RXFP1: variants seen among roughly 807,000 people sequenced by gnomAD.
RXFP1 encodes the protein relaxin family peptide receptor 1.
Under a neutral mutation model 89.8 loss-of-function variants are expected in RXFP1, and 73 were observed. The observed-to-expected ratio is 0.81, with a 90% CI of 0.67 to 0.99. The LOEUF is 0.99. Among genes scored for constraint, RXFP1 ranks in the 50% least tolerant of loss-of-function variants. The pLI, the probability that RXFP1 is intolerant of heterozygous loss-of-function variation, is 0.00. For missense variants in RXFP1, 793 were observed against 895.5 expected, an observed-to-expected ratio of 0.89 and a Z score of 1.46; for synonymous variants, 277 against 305.5, an observed-to-expected ratio of 0.91 and a Z score of 0.97.
At chr4:158,575,186 A>G (rs1394148787) in intron 2 of RXFP1, among the ~76,000 whole-genome samples, 1 of 152,220 alleles carries the variant, frequency 6.6e-6, no homozygotes, top group Non-Finnish European at 1.5e-5. Flanking sequence ...AAAAGTAGCA[A>G]TCCTTACAGT....
intron 1 of RXFP1, among the ~76,000 whole-genome samples, chr4:158,544,593 C>T (rs907893555): frequency 6.6e-6 from 1 of 151,898 alleles, no homozygotes; most frequent in African/African-American, 2.4e-5. Context: ...TGCTATCCCT[C>T]CCCCTACCCC....
In RXFP1 at chr4:158,647,006, G is replaced by A. The variant is rs1239441647; in HGVS notation, c.1561G>A (p.Val521Met). 1 of 1,613,960 alleles carries A rather than the reference G, an allele frequency of 6.2e-7. No homozygotes were observed. The highest frequency in any genetic ancestry group is 1.3e-5 in the African/African-American group (1 of 74,904). ...YICIVYPFRCVRPGKCRTITV... is the reference protein window; with the variant it reads ...YICIVYPFRCMRPGKCRTITV... ...CTGCATTGTCTATCCTTTTAGATGT[G>A]TGAGACCTGGAAAATGCAGAACAAT... Residue 521 changes from valine to methionine, a missense_variant, in exon 16 of 18, where the codon GTG becomes ATG. Transcript: ENST00000307765.
chr4:158,601,378 A>G (rs1420294685), intron 4 of RXFP1, among the ~76,000 whole-genome samples: 2 of 152,166 alleles, frequency 1.3e-5, no homozygotes, highest in African/African-American at 4.8e-5. Flanking sequence ...GGGGACTCTG[A>G]TGTTAGATGT....
intron 1 of RXFP1, among the ~76,000 whole-genome samples, chr4:158,532,069 T>G (rs369152207): frequency 1.4e-4 from 21 of 152,304 alleles, no homozygotes; most frequent in African/African-American, 3.9e-4. Flanking sequence ...AGGCAGTTTT[T>G]CAGAATTTTC....
intron 1 of RXFP1, among the ~76,000 whole-genome samples, chr4:158,565,277 T>G (rs1753322324): frequency 6.6e-6 from 1 of 152,180 alleles, no homozygotes. Context: ...CCTGTAGTGT[T>G]GGATAAGAAC....
At chr4:158,646,689 G>T in intron 15 of RXFP1, 102 bp from the exon 16 acceptor site, 1 of 1,474,216 alleles carries the variant, frequency 6.8e-7, no homozygotes, top group Non-Finnish European at 9.0e-7. Context: ...TAAGTTGGAA[G>T]AAACTTGACT....
At chr4:158,542,843 C>A (rs13136137) in intron 1 of RXFP1, among the ~76,000 whole-genome samples, 104,464 of 152,034 alleles carry the variant, frequency 0.69, 41,852 homozygotes, top group East Asian at 0.98. Context: ...ATAGGTGCAA[C>A]AAACAGAAGG....
At chr4:158,602,977 C>G (rs1409520980) in intron 4 of RXFP1, among the ~76,000 whole-genome samples, 1 of 152,220 alleles carries the variant, frequency 6.6e-6, no homozygotes, top group African/African-American at 2.4e-5. Context: ...GCCCCCCAGG[C>G]TGGAGTGCAG....
chr4:158,598,474 G>T lies in RXFP1; in HGVS notation c.287-852G>T, dbSNP rs141828556. On this transcript the variant is annotated intron_variant, in intron 3 of 17. Coordinates refer to ENST00000307765, the MANE Select transcript of RXFP1 (RefSeq NM_021634.4). ...CCAGAAGTCAATATGGGGAGAAAAC[G>T]TTTCTCATTGCTCTCAGGAATTCGC... Among the ~76,000 whole-genome samples the T allele has an allele frequency of 3.0e-3, 459 of 152,160 alleles. 8 individuals are homozygous for T. The highest frequency in any genetic ancestry group is 0.027 in the Admixed American group (418 of 15,278).
At chr4:158,617,430 T>A (rs71607200) in intron 9 of RXFP1, among the ~76,000 whole-genome samples, 57,609 of 143,834 alleles carry the variant, frequency 0.4, 11,976 homozygotes, top group African/African-American at 0.52. Flanking sequence ...AAAAAAAATA[T>A]ATATATATAT....
chr4:158,563,053 C>T (rs968926004), intron 1 of RXFP1, among the ~76,000 whole-genome samples: 5 of 152,134 alleles, frequency 3.3e-5, no homozygotes, highest in Non-Finnish European at 5.9e-5. Flanking sequence ...TTTATGCAGG[C>T]GCATGTAGCC....
chr4:158,574,423 C>T (rs1363890730), intron 2 of RXFP1, among the ~76,000 whole-genome samples: 1 of 151,836 alleles, frequency 6.6e-6, no homozygotes, highest in African/African-American at 2.4e-5. Flanking sequence ...CACAAGCAGA[C>T]CTTAACTGAG....
chr4:158,622,713 G>A (rs987379710), intron 9 of RXFP1, among the ~76,000 whole-genome samples: 7 of 152,172 alleles, frequency 4.6e-5, no homozygotes, highest in African/African-American at 1.7e-4. Context: ...GTCATGGCAG[G>A]GGGAATGAGG....
intron 15 of RXFP1, among the ~76,000 whole-genome samples, chr4:158,645,443 C>T (rs1432150791): frequency 6.6e-6 from 1 of 152,152 alleles, no homozygotes; most frequent in Non-Finnish European, 1.5e-5. Context: ...TCTTTTACTA[C>T]AAATAAAATT....
intron 9 of RXFP1, among the ~76,000 whole-genome samples, chr4:158,622,692 C>T (rs999384362): frequency 3.9e-5 from 6 of 152,106 alleles, no homozygotes; most frequent in African/African-American, 1.4e-4. Context: ...AGAGTAGAAT[C>T]GTGGCTATGG....
chr4:158,625,739 C>T (rs1053546444), intron 9 of RXFP1, among the ~76,000 whole-genome samples: 2 of 152,066 alleles, frequency 1.3e-5, no homozygotes, highest in East Asian at 1.9e-4. Context: ...TTCCATGTTT[C>T]CTTTCAGATT....
Position 158,637,994 on chromosome 4 carries a change from T to C in RXFP1, c.972-14T>C, listed in dbSNP as rs1483874611. 1.3e-6 allele frequency: 2 copies of C among 1,556,632 alleles called. No individual in the cohort carries two copies. The highest frequency in any genetic ancestry group is 1.8e-6 in the Non-Finnish European group (2 of 1,130,588). On this transcript the variant is annotated splice_polypyrimidine_tract_variant and intron_variant, in intron 12 of 17. Transcript: ENST00000307765. The stretch of plus-strand genomic sequence containing the variant: ...TTTTAGAAATGACCTATTGCTGCTT[T>C]TTTTAAAAAACAGGAATCTTTCCTA...
chr4:158,599,115 C>G, intron 3 of RXFP1: 1 of 624,764 alleles, frequency 1.6e-6, no homozygotes, highest in East Asian at 2.8e-5. Context: ...GTGTGTGTTT[C>G]CAAATGTTGA....
intron 1 of RXFP1, among the ~76,000 whole-genome samples, chr4:158,548,982 A>G (rs1220325509): frequency 1.3e-5 from 2 of 151,458 alleles, no homozygotes; most frequent in Admixed American, 6.6e-5. Context: ...TATTTCCTGA[A>G]TCTGAATGTT....
Sources: gnomAD v4.1 joint callset for allele counts (sites outside exome capture counted in the v4.1 genomes callset) on GRCh38, gnomAD v4.1.1 for gene constraint, MANE v1.5 for transcripts, NCBI Gene and HGNC (gene_info 2026-07-23, HGNC 2026-07-21) for gene names.